The following CDK17 variants were observed in gnomAD, a reference collection of about 807,000 sequenced individuals.
CDK17 encodes the protein cyclin-dependent kinase 17.
CDK17 carries 24 observed loss-of-function variants against 77.6 expected under a neutral mutation model. The ratio of observed to expected loss-of-function variants is 0.31; its 90% CI spans 0.22 to 0.44. CDK17 has a LOEUF of 0.44. CDK17 is among the 20% of genes least tolerant of loss of function. The pLI is 1.00. For missense variants in CDK17, 429 were observed against 622.5 expected, an observed-to-expected ratio of 0.69 and a Z score of 3.31; for synonymous variants, 203 against 210.4, an observed-to-expected ratio of 0.96 and a Z score of 0.30.
rs1175435084 is a variant in CDK17, at chr12:96,400,165, C to T, written c.-209G>A. On this transcript the variant is annotated 5_prime_UTR_variant, in exon 1 of 17. Transcript: ENST00000261211. ...CGCCTTCCGGCTCTCGCCGCGGGTC[C>T]GGAGCCTCGGGAGGGGCCGCGGGTG... 2.3e-5 allele frequency: 9 copies of T among 394,296 alleles called. No homozygotes were observed. The highest frequency in any genetic ancestry group is 3.6e-5 in the Non-Finnish European group (8 of 223,356). 24.4% of individuals were successfully genotyped at this position (394,296 alleles called of 1,614,324 possible).
At chr12:96,384,442 A>G (rs188665339) in intron 1 of CDK17, among the ~76,000 whole-genome samples, 53 of 152,348 alleles carry the variant, frequency 3.5e-4, no homozygotes, top group African/African-American at 1.3e-3. Context: ...TTTTATCAAA[A>G]AGACTCATGT....
At chr12:96,339,989 A>G (rs1469076086) in intron 1 of CDK17, among the ~76,000 whole-genome samples, 1 of 152,110 alleles carries the variant, frequency 6.6e-6, no homozygotes, top group African/African-American at 2.4e-5. Context: ...AAGTAAAAAA[A>G]TCACCAAAAT....
chr12:96,314,255 T>C (rs1237515386), intron 3 of CDK17, among the ~76,000 whole-genome samples: 2 of 152,200 alleles, frequency 1.3e-5, no homozygotes, highest in African/African-American at 4.8e-5. Context: ...TGGAGTGCAG[T>C]GACACAACCA....
At chr12:96,361,127 A>T (rs992708706) in intron 1 of CDK17, among the ~76,000 whole-genome samples, 6 of 152,198 alleles carry the variant, frequency 3.9e-5, no homozygotes, top group African/African-American at 1.4e-4. Context: ...AAGAGCTTGG[A>T]GCGGGGAACC....
At chr12:96,338,607 T>C (rs1358303907) in intron 1 of CDK17, among the ~76,000 whole-genome samples, 1 of 152,132 alleles carries the variant, frequency 6.6e-6, no homozygotes, top group East Asian at 1.9e-4. Flanking sequence ...ACCAGGCTGA[T>C]CTTGAACTCC....
intron 1 of CDK17, among the ~76,000 whole-genome samples, chr12:96,371,976 GGAGA>G (rs1209472236): frequency 1.5e-5 from 2 of 136,468 alleles, no homozygotes; most frequent in Non-Finnish European, 3.1e-5. Context: ...GAGGGGGGAC[GGAGA>G]GAGAGAGACA....
At chr12:96,304,508 G>A (rs1952551803) in intron 5 of CDK17, among the ~76,000 whole-genome samples, 1 of 151,588 alleles carries the variant, frequency 6.6e-6, no homozygotes, top group Non-Finnish European at 1.5e-5. Flanking sequence ...CTGCACTCCA[G>A]CCTGGCGACA....
chr12:96,381,231 C>G (rs900990863), intron 1 of CDK17, among the ~76,000 whole-genome samples: 1 of 152,156 alleles, frequency 6.6e-6, no homozygotes, highest in Non-Finnish European at 1.5e-5. Flanking sequence ...GATAACATTT[C>G]AAGGGCGATA....
At chr12:96,310,291 T>C (rs992907895) in intron 5 of CDK17, among the ~76,000 whole-genome samples, 17 of 152,112 alleles carry the variant, frequency 1.1e-4, no homozygotes, top group Admixed American at 1.0e-3. Context: ...ATATACAAAC[T>C]TTGTATAAGT....
intron 1 of CDK17, among the ~76,000 whole-genome samples, chr12:96,340,115 C>T (rs1396355211): frequency 2.0e-5 from 3 of 151,610 alleles, no homozygotes; most frequent in Admixed American, 6.6e-5. Context: ...ATTTTATATG[C>T]TCTATGTCAG....
chr12:96,292,975 T>C (rs564303492), intron 10 of CDK17, among the ~76,000 whole-genome samples: 1 of 152,334 alleles, frequency 6.6e-6, no homozygotes, highest in East Asian at 1.9e-4. Flanking sequence ...AGACCCATTT[T>C]ATACTCTTGA....
At chr12:96,288,991 G>A (rs1159216798) in intron 11 of CDK17, among the ~76,000 whole-genome samples, 176 bp downstream of exon 11, 3 of 152,176 alleles carry the variant, frequency 2.0e-5, no homozygotes, top group African/African-American at 7.2e-5. Flanking sequence ...CTAAATGGCA[G>A]AATTGGTATT....
intron 3 of CDK17, 33 bp from the exon 4 acceptor site, chr12:96,313,487 C>T (rs1466184808): frequency 6.6e-6 from 8 of 1,219,024 alleles, no homozygotes; most frequent in Non-Finnish European, 9.0e-6. Context: ...AAAAGAGATA[C>T]ATTATATTCT....
rs1481543977 is a variant in CDK17 at position 96,313,193 on chromosome 12, T to C, written c.417+128A>G. The C allele has an allele frequency of 5.3e-6, 3 of 567,678 alleles. No homozygotes were observed. The East Asian group carries it at 1.0e-4, about 19-fold the overall frequency. 35.2% of individuals were successfully genotyped at this position (567,678 alleles called of 1,614,324 possible). On this transcript the variant is annotated intron_variant, in intron 4 of 16. Coordinates refer to ENST00000261211, the MANE Select transcript of CDK17 (RefSeq NM_002595.5). Reference sequence around the variant, plus strand: ...CAATTTATGAATGCAAAGAAGTAACTTTCTTACAAGTGTCACGTGTCTTCA... The same window carrying C: ...CAATTTATGAATGCAAAGAAGTAACCTTCTTACAAGTGTCACGTGTCTTCA...
chr12:96,374,152 G>C (rs1159292836), intron 1 of CDK17, among the ~76,000 whole-genome samples: 3 of 152,122 alleles, frequency 2.0e-5, no homozygotes, highest in Non-Finnish European at 4.4e-5. Flanking sequence ...GCCAAAATGA[G>C]AAATTAAGTA....
At chr12:96,372,002 AGTGT>A (rs759155013) in intron 1 of CDK17, among the ~76,000 whole-genome samples, 3 of 42,052 alleles carry the variant, frequency 7.1e-5, no homozygotes, top group Non-Finnish European at 1.7e-4. Flanking sequence ...TGTGTGAGTG[AGTGT>A]GTGTTTGTGT....
At chr12:96,351,832 T>C (rs1164398788) in intron 1 of CDK17, among the ~76,000 whole-genome samples, 1 of 152,210 alleles carries the variant, frequency 6.6e-6, no homozygotes, top group East Asian at 1.9e-4. Context: ...CCAATTATGC[T>C]GAACACAACA....
Position 96,398,006 on chromosome 12 carries a change from CT to C in CDK17, c.-30+1979del, listed in dbSNP as rs141104781. On this transcript the variant is annotated intron_variant, in intron 1 of 16. Coordinates refer to ENST00000261211, the MANE Select transcript of CDK17 (RefSeq NM_002595.5). Reference sequence around the variant, plus strand: ...TACAGTGATATCAACATTAATGTCTCTATATTAAACAGGCTTTGCTTTTATT... The same window carrying C: ...TACAGTGATATCAACATTAATGTCTCATATTAAACAGGCTTTGCTTTTATT... Among the ~76,000 whole-genome samples the C allele has an allele frequency of 2.9e-3, 435 of 152,274 alleles. 3 individuals are homozygous for C. Among genetic ancestry groups the C allele is most frequent in the African/African-American group, 9.3e-3 (385 of 41,548 alleles).
In CDK17 at chr12:96,295,039, G is replaced by A. The variant is rs773038344; in HGVS notation, c.957C>T (p.Leu319=). 1.2e-6 allele frequency: 2 copies of A among 1,612,712 alleles called. No homozygotes were observed. Among genetic ancestry groups the A allele is most frequent in the Admixed American group, 3.3e-5 (2 of 59,842 alleles). Residue 319 remains leucine (L), a synonymous_variant, in exon 10 of 17, where the codon CTC becomes CTT. Coordinates refer to ENST00000261211, the MANE Select transcript of CDK17 (RefSeq NM_002595.5). ...TTAATTCTCCTTTCTCATTAATGAGGAGGTTCTGTGGTTTCAAGTCTCGAT... is the reference window on the plus strand; with the variant it reads ...TTAATTCTCCTTTCTCATTAATGAGAAGGTTCTGTGGTTTCAAGTCTCGAT... The part of the protein sequence containing the change: ...VLHRDLKPQN[L]LINEKGELKL...
Sources: gnomAD v4.1 joint callset for allele counts (sites outside exome capture counted in the v4.1 genomes callset) on GRCh38, gnomAD v4.1.1 for gene constraint, MANE v1.5 for transcripts, NCBI Gene and HGNC (gene_info 2026-07-23, HGNC 2026-07-21) for gene names.